Variants in PLXNB2 observed in about 807,000 individuals in gnomAD.
PLXNB2 encodes plexin B2, also known as plexin-B2.
PLXNB2 carries 85 observed loss-of-function variants against 202.6 expected under a neutral mutation model. That is an observed-to-expected ratio of 0.42 (90% CI 0.35 to 0.50). The LOEUF is 0.50. Ranked by LOEUF, PLXNB2 falls within the 20% of genes least tolerant of loss-of-function variation. The pLI is 0.02. For synonymous variants in PLXNB2, 1,239 were observed against 1,137.6 expected, an observed-to-expected ratio of 1.09 and a Z score of -1.79; for missense variants, 2,063 against 2,586.2, an observed-to-expected ratio of 0.80 and a Z score of 4.39.
intron 1 of PLXNB2, among the ~76,000 whole-genome samples, chr22:50,304,913 C>T (rs1367009983): frequency 1.3e-5 from 2 of 152,340 alleles, no homozygotes; most frequent in Admixed American, 6.5e-5. Context: ...ATCCCCAAAC[C>T]GTGTCCAAGG....
At position 50,280,171 on chromosome 22, in the gene PLXNB2, C is replaced by T. The variant is rs915656027; in HGVS notation, c.4176-100G>A. 1.4e-5 allele frequency: 13 copies of T among 946,874 alleles called. No individual in the cohort carries two copies. The East Asian group carries it at 2.5e-4, about 18-fold the overall frequency. 58.7% of individuals were successfully genotyped at this position (946,874 alleles called of 1,614,324 possible). On this transcript the variant is annotated intron_variant, in intron 25 of 36. Transcript: ENST00000359337. ...CGGCCACCCTTGCGCCAGCCTCGCCCCTGTCCAGCCTGGGTGTGGCCTGCA... is the reference window on the plus strand; with the variant it reads ...CGGCCACCCTTGCGCCAGCCTCGCCTCTGTCCAGCCTGGGTGTGGCCTGCA...
At chr22:50,280,432 C>T in intron 25 of PLXNB2, 57 bp downstream of exon 25, 1 of 1,513,244 alleles carries the variant, frequency 6.6e-7, no homozygotes, top group South Asian at 1.3e-5. Context: ...CCACCAGCCC[C>T]AGAGCCCCTG....
chr22:50,285,262 G>C (rs1485392513), intron 11 of PLXNB2, among the ~76,000 whole-genome samples: 1 of 87,414 alleles, frequency 1.1e-5, no homozygotes, highest in Admixed American at 1.3e-4. Flanking sequence ...CCCTCCCTCC[G>C]CACCTGAGCC....
intron 1 of PLXNB2, among the ~76,000 whole-genome samples, chr22:50,304,183 A>G (rs966570154): frequency 2.6e-5 from 4 of 152,170 alleles, no homozygotes; most frequent in Non-Finnish European, 5.9e-5. Context: ...CTCCCCAGAC[A>G]GACATCCCCG....
At chr22:50,277,104 C>G (rs1024459615) in intron 33 of PLXNB2, among the ~76,000 whole-genome samples, 198 bp from the exon 34 acceptor site, 1 of 152,060 alleles carries the variant, frequency 6.6e-6, no homozygotes, top group Non-Finnish European at 1.5e-5. Context: ...GTCAGGGGTT[C>G]GAGACCAGCC....
rs2066258366 is a variant in PLXNB2 at position 50,284,324 on chromosome 22, C to A, written c.2182-111G>T. ...CACCGGGTCCCTTCCCAGCCAAGGG[C>A]AGCAGGGGAGGCCTTCAGGTGTCGG... is the stretch of plus-strand genomic sequence containing the variant. On this transcript the variant is annotated intron_variant, in intron 12 of 36. Transcript: ENST00000359337. This position sits in a 1 kb window ranked among gnomAD's most constrained non-coding sequence, Gnocchi z 8.0. The A allele has an allele frequency of 1.9e-6, 2 of 1,053,584 alleles. No individual in the cohort carries two copies. Among genetic ancestry groups the A allele is most frequent in the Non-Finnish European group, 2.9e-6 (2 of 685,480 alleles). 65.3% of individuals were successfully genotyped at this position (1,053,584 alleles called of 1,614,324 possible).
intron 1 of PLXNB2, among the ~76,000 whole-genome samples, chr22:50,296,292 G>C (rs1432112091): frequency 6.9e-6 from 1 of 144,804 alleles, no homozygotes. Flanking sequence ...GGTACAGCCT[G>C]AAGTCCCGGG....
In PLXNB2 at chr22:50,279,856, A is replaced by G. The variant is rs1412400808; in HGVS notation, c.4243-80T>C. 7.8e-6 allele frequency: 12 copies of G among 1,540,526 alleles called. No individual in the cohort carries two copies. In the East Asian group the frequency reaches 2.2e-4, roughly 29 times the overall value. ...GGCCCCCGGAGCCCTGGCCAGAGGC[A>G]TGGACGGGGCTGACCATGTCAGGGG... On this transcript the variant is annotated intron_variant, in intron 26 of 36. Coordinates refer to ENST00000359337, the MANE Select transcript of PLXNB2 (RefSeq NM_012401.4).
rs571730487 is a variant in PLXNB2 at position 50,284,983 on chromosome 22, C to T, written c.2089-318G>A. The stretch of plus-strand genomic sequence containing the variant: ...TCCCTCCTCAGGAGGTGGCACTGGC[C>T]CCTCAATCTCCACACGCCTGCCTCC... On this transcript the variant is annotated intron_variant, in intron 11 of 36. Transcript: ENST00000359337. The surrounding 1 kb of genome is among the most constrained non-coding windows in gnomAD (Gnocchi z 8.0). The T allele has an allele frequency of 3.3e-4, 162 of 487,920 alleles. 1 individual carries two copies. The East Asian group carries it at 7.8e-3, about 23-fold the overall frequency. 30.2% of individuals were successfully genotyped at this position (487,920 alleles called of 1,614,324 possible).
chr22:50,279,746 A>G lies in PLXNB2; in HGVS notation c.4273T>C (p.Phe1425Leu). 1 of 1,613,966 alleles carries G rather than the reference A, an allele frequency of 6.2e-7. No individual in the cohort carries two copies. The highest frequency in any genetic ancestry group is 8.5e-7 in the Non-Finnish European group (1 of 1,179,972). ...DSAGEPLYKL[F>L]KAIKHQVEKG... Reference sequence around the variant, plus strand: ...TCCACCTGATGTTTGATGGCCTTGAAGAGCTTGTACAGGGGCTCCCCGGCA... The same window carrying G: ...TCCACCTGATGTTTGATGGCCTTGAGGAGCTTGTACAGGGGCTCCCCGGCA... The change falls in exon 27 of 37, where the codon TTC becomes CTC. Residue 1425 changes from phenylalanine to leucine, a missense_variant. Phe to Leu is a conservative substitution (Grantham distance 22). Coordinates refer to ENST00000359337, the MANE Select transcript of PLXNB2 (RefSeq NM_012401.4).
chr22:50,277,582 C>G lies in PLXNB2; in HGVS notation c.5196+9G>C. On this transcript the variant is annotated intron_variant, in intron 33 of 36. Coordinates refer to ENST00000359337, the MANE Select transcript of PLXNB2 (RefSeq NM_012401.4). ...CTCCCTGCCCCAGACCTGCCCCCACCCCACTCACGCGGCTCAGCTTATGCT... is the reference window on the plus strand; with the variant it reads ...CTCCCTGCCCCAGACCTGCCCCCACGCCACTCACGCGGCTCAGCTTATGCT... The G allele has an allele frequency of 1.9e-6, 3 of 1,556,800 alleles. No homozygotes were observed. The highest frequency in any genetic ancestry group is 2.6e-6 in the Non-Finnish European group (3 of 1,147,470).
Position 50,287,198 on chromosome 22 carries a change from C to T in PLXNB2, c.1675G>A (p.Glu559Lys). ...ACGCGGGCGGGGTGTGGCGGCGACT[C>T]CCCAAAAAGGCACAGCAACTCGTCC... ...EEDELLCLFG[E>K]SPPHPARVEG... is the part of the protein sequence containing the mutation. Residue 559 changes from glutamate (E) to lysine (K), a missense_variant, in exon 8 of 37, where the codon GAG becomes AAG. Physicochemically the swap from Glu to Lys is moderately conservative, Grantham distance 56. This residue lies in a region of PLXNB2 where 1,303 missense variants were observed against 1,476.8 expected (regional missense o/e 0.88). Coordinates refer to ENST00000359337, the MANE Select transcript of PLXNB2 (RefSeq NM_012401.4). 6.5e-7 allele frequency: 1 copy of T among 1,549,286 alleles called. No individual in the cohort carries two copies. The highest frequency in any genetic ancestry group is 8.7e-7 in the Non-Finnish European group (1 of 1,146,398).
In PLXNB2 at chr22:50,282,804, TAGG is replaced by T; in HGVS notation, c.2891_2893del (p.Ser964del). The T allele has an allele frequency of 6.2e-7, 1 of 1,611,912 alleles. No homozygotes were observed. Among genetic ancestry groups the T allele is most frequent in the Non-Finnish European group, 8.5e-7 (1 of 1,179,460 alleles). ...GGGGTTGGGCACGGGGGACCCCCCGTAGGAGACCTCCAGAAGCATCTGGCCCCG... is the reference window on the plus strand; with the variant it reads ...GGGGTTGGGCACGGGGGACCCCCCGTAGACCTCCAGAAGCATCTGGCCCCG... On this transcript the variant is annotated inframe_deletion, in exon 18 of 37. Transcript: ENST00000359337.
In PLXNB2 at chr22:50,288,066, A is replaced by T; in HGVS notation, c.1381-29T>A. The stretch of plus-strand genomic sequence containing the variant: ...GGGCAGCGGGGCCGTGAGTGGGACC[A>T]CAGCAGAGGCCGCACGGGCCTTCCG... On this transcript the variant is annotated intron_variant, in intron 5 of 36. Transcript: ENST00000359337. The surrounding 1 kb of genome is among the most constrained non-coding windows in gnomAD (Gnocchi z 5.0). The T allele has an allele frequency of 6.6e-7, 1 of 1,518,168 alleles. No individual in the cohort carries two copies. 94.0% of individuals were successfully genotyped at this position (1,518,168 alleles called of 1,614,324 possible).
intron 18 of PLXNB2, 76 bp downstream of exon 18, chr22:50,282,635 A>G: frequency 2.7e-6 from 3 of 1,113,210 alleles, no homozygotes; most frequent in Non-Finnish European, 3.9e-6. Flanking sequence ...CATTCCTTTC[A>G]GCACAGTCAG....
chr22:50,287,769 C>G lies in PLXNB2; in HGVS notation c.1506G>C (p.Pro502=). The G allele has an allele frequency of 8.2e-6, 13 of 1,582,556 alleles. No individual in the cohort carries two copies. Among genetic ancestry groups the G allele is most frequent in the Non-Finnish European group, 1.0e-5 (12 of 1,171,920 alleles). The stretch of plus-strand genomic sequence containing the variant: ...GCCAGTGGCTGGCCTCCTCGGCCCG[C>G]GGACACTCGGCCTTCCGGGTGCATC... The part of the protein sequence containing the change: ...EGRCTRKAEC[P]RAEEASHWLW... The change falls in exon 7 of 37, where the codon CCG becomes CCC. Residue 502 remains proline, a synonymous_variant. Coordinates refer to ENST00000359337, the MANE Select transcript of PLXNB2 (RefSeq NM_012401.4).
chr22:50,290,611 G>T lies in PLXNB2; in HGVS notation c.-13-14C>A. 6.4e-7 allele frequency: 1 copy of T among 1,566,892 alleles called. No individual in the cohort carries two copies. Among genetic ancestry groups the T allele is most frequent in the South Asian group, 1.1e-5 (1 of 86,964 alleles). On this transcript the variant is annotated splice_polypyrimidine_tract_variant and intron_variant, in intron 2 of 36. Coordinates refer to ENST00000359337, the MANE Select transcript of PLXNB2 (RefSeq NM_012401.4). The stretch of plus-strand genomic sequence containing the variant: ...GCCCCCCGCACCCTGTGGGAAGAGA[G>T]AAGGGTCAGGGGAGCCCCGACCCAG...
At chr22:50,287,832 C>G in intron 6 of PLXNB2, 39 bp from the exon 7 acceptor site, 1 of 1,595,664 alleles carries the variant, frequency 6.3e-7, no homozygotes, top group Non-Finnish European at 8.5e-7. Context: ...AGGGTGGAGT[C>G]TTGTTCTCCC....
At chr22:50,306,851 C>T (rs2067901979) in intron 1 of PLXNB2, among the ~76,000 whole-genome samples, 1 of 152,260 alleles carries the variant, frequency 6.6e-6, no homozygotes, top group Non-Finnish European at 1.5e-5. Context: ...CGTCCGGGCT[C>T]TGAGACCCCC....
Sources: gnomAD v4.1 joint callset for allele counts (sites outside exome capture counted in the v4.1 genomes callset) on GRCh38, gnomAD v4.1.1 for gene constraint, gnomAD v4.1.1 regional missense constraint, Gnocchi (gnomAD v3.1) non-coding constraint, MANE v1.5 for transcripts, NCBI Gene and HGNC (gene_info 2026-07-23, HGNC 2026-07-21) for gene names.